The following KHDRBS2 variants were observed in gnomAD, a reference collection of about 807,000 sequenced individuals.
KHDRBS2 encodes KH RNA binding domain containing, signal transduction associated 2.
Under a neutral mutation model 44.3 loss-of-function variants are expected in KHDRBS2, and 26 were observed. The ratio of observed to expected loss-of-function variants is 0.59; its 90% confidence interval spans 0.43 to 0.81. The LOEUF (loss-of-function observed/expected upper bound fraction) is 0.81. KHDRBS2 is among the 40% of genes least tolerant of loss of function. The pLI, the probability that KHDRBS2 is intolerant of heterozygous loss-of-function variation, is 0.00. For missense variants in KHDRBS2, 476 were observed against 433.1 expected (o/e 1.10, Z -0.88); for synonymous variants, 194 against 151.1 (o/e 1.28, Z -2.08).
At chr6:62,270,336 G>A (rs1186268236) in intron 1 of KHDRBS2, among the ~76,000 whole-genome samples, 2 of 47,726 alleles carry the variant, frequency 4.2e-5, no homozygotes, top group Non-Finnish European at 8.9e-5. Flanking sequence ...CCCACCCCCC[G>A]CCCACCTTTC....
At chr6:62,230,279 A>G (rs1241282775) in intron 1 of KHDRBS2, among the ~76,000 whole-genome samples, 1 of 152,232 alleles carries the variant, frequency 6.6e-6, no homozygotes, top group Non-Finnish European at 1.5e-5. Context: ...GCAGGAAATT[A>G]AATGACAAAT....
chr6:61,752,038 ATCTCT>A, intron 6 of KHDRBS2, among the ~76,000 whole-genome samples: 2 of 152,204 alleles, frequency 1.3e-5, no homozygotes, highest in East Asian at 3.9e-4. Context: ...TATATTAATC[ATCTCT>A]TTAAAGGCCC....
the KHDRBS2 span, among the ~76,000 whole-genome samples, chr6:61,627,087 A>G: frequency 1.3e-5 from 2 of 151,380 alleles, no homozygotes; most frequent in African/African-American, 2.4e-5. Flanking sequence ...CCCCGTCTCT[A>G]CTAAAAATAC....
At chr6:61,954,698 A>T (rs1222181467) in intron 4 of KHDRBS2, among the ~76,000 whole-genome samples, 1 of 77,236 alleles carries the variant, frequency 1.3e-5, no homozygotes, top group Non-Finnish European at 3.1e-5. Context: ...GTATACATAC[A>T]TATGTGTATA....
intron 6 of KHDRBS2, among the ~76,000 whole-genome samples, chr6:61,782,738 T>C (rs1192076): frequency 0.6 from 70,984 of 117,450 alleles, 21,314 homozygotes; most frequent in South Asian, 0.69. Flanking sequence ...TATATATATA[T>C]ACACACACAC....
At chr6:62,004,073 C>T (rs1562622307) in intron 3 of KHDRBS2, among the ~76,000 whole-genome samples, 1 of 152,034 alleles carries the variant, frequency 6.6e-6, no homozygotes, top group Non-Finnish European at 1.5e-5. Context: ...AATTGACACC[C>T]TAACATCAGA....
the KHDRBS2 span, among the ~76,000 whole-genome samples, chr6:61,576,919 T>C: frequency 2.0e-5 from 3 of 152,196 alleles, no homozygotes; most frequent in South Asian, 6.2e-4. Flanking sequence ...CTTTGTTTCC[T>C]ATTTCTCAGG....
chr6:62,081,862 A>T (rs1167122297), intron 2 of KHDRBS2, among the ~76,000 whole-genome samples: 1 of 151,984 alleles, frequency 6.6e-6, no homozygotes, highest in East Asian at 1.9e-4. Context: ...AATTATATAT[A>T]ATATTATATA....
At chr6:61,949,168 T>C (rs1764233317) in intron 4 of KHDRBS2, among the ~76,000 whole-genome samples, 1 of 152,116 alleles carries the variant, frequency 6.6e-6, no homozygotes, top group Non-Finnish European at 1.5e-5. Context: ...TATGTTTAAG[T>C]AGGGGTGAGA....
chr6:61,832,952 T>G (rs950725480), intron 6 of KHDRBS2, among the ~76,000 whole-genome samples: 4 of 152,224 alleles, frequency 2.6e-5, no homozygotes, highest in African/African-American at 9.6e-5. Flanking sequence ...CTTAATACTT[T>G]GATTAAAATT....
intron 7 of KHDRBS2, among the ~76,000 whole-genome samples, chr6:61,729,184 G>A (rs1774044307): frequency 6.6e-6 from 1 of 152,086 alleles, no homozygotes. Flanking sequence ...GTAGGCACAT[G>A]GATGGAGCTG....
chr6:61,596,714 C>T, the KHDRBS2 span, among the ~76,000 whole-genome samples: 2 of 152,068 alleles, frequency 1.3e-5, no homozygotes, highest in African/African-American at 4.8e-5. Context: ...TACAGTGGTG[C>T]AATTTCGGCT....
chr6:61,907,881 TG>T (rs1452739824), intron 4 of KHDRBS2, among the ~76,000 whole-genome samples: 47 of 152,236 alleles, frequency 3.1e-4, no homozygotes, highest in African/African-American at 1.1e-3. Context: ...CATGTGTTGC[TG>T]ATGCTTCAGT....
intron 2 of KHDRBS2, among the ~76,000 whole-genome samples, chr6:62,091,158 G>C (rs1173931007): frequency 6.6e-6 from 1 of 152,084 alleles, no homozygotes; most frequent in Non-Finnish European, 1.5e-5. Flanking sequence ...GAACTGCCAC[G>C]TTCTTGATCC....
chr6:62,132,958 C>T (rs1810672401), intron 2 of KHDRBS2, among the ~76,000 whole-genome samples: 1 of 152,176 alleles, frequency 6.6e-6, no homozygotes, highest in Admixed American at 6.5e-5. Context: ...CAGCGTTTTT[C>T]CATAAAGGGC....
intron 1 of KHDRBS2, among the ~76,000 whole-genome samples, chr6:62,280,436 CAGA>C (rs1336624608): frequency 3.3e-5 from 5 of 152,044 alleles, no homozygotes; most frequent in African/African-American, 7.2e-5. Flanking sequence ...GGAAAGAAAT[CAGA>C]AGAAGGTCAA....
rs542219964 is a variant in KHDRBS2, at chr6:62,247,387, G to A, written c.91+38471C>T. ...TAGTGCGCCAGCCTAGCACCAAAGA[G>A]AGTATATACTTATACTGTATCTCAT... On this transcript the variant is annotated intron_variant, in intron 1 of 8. Coordinates refer to ENST00000281156, the MANE Select transcript of KHDRBS2 (RefSeq NM_152688.4). Among the ~76,000 whole-genome samples the A allele has an allele frequency of 2.2e-3, 329 of 151,812 alleles. 1 individual carries two copies. The highest frequency in any genetic ancestry group is 2.9e-3 in the South Asian group (14 of 4,790).
At chr6:61,658,178 T>C in the KHDRBS2 span, among the ~76,000 whole-genome samples, 2 of 151,860 alleles carry the variant, frequency 1.3e-5, no homozygotes, top group African/African-American at 4.8e-5. Context: ...TTCCTTATTA[T>C]TGATATTAAT....
intron 4 of KHDRBS2, among the ~76,000 whole-genome samples, chr6:61,938,245 C>G (rs1197444313): frequency 6.6e-6 from 1 of 152,034 alleles, no homozygotes; most frequent in African/African-American, 2.4e-5. Context: ...AGTGTGTATT[C>G]AGGAGAGTTG....
Sources: gnomAD v4.1 joint callset for allele counts (sites outside exome capture counted in the v4.1 genomes callset) on GRCh38, gnomAD v4.1.1 for gene constraint, MANE v1.5 for transcripts, NCBI Gene and HGNC (gene_info 2026-07-23, HGNC 2026-07-21) for gene names.